CSMD2: variants seen among roughly 807,000 people sequenced by gnomAD.
CSMD2 encodes the protein CUB and Sushi multiple domains 2.
A neutral mutation model predicts 398.5 loss-of-function variants in CSMD2; 130 were observed. That is an observed-to-expected ratio of 0.33 (90% confidence interval 0.28 to 0.38). The LOEUF is 0.38. CSMD2 is among the 10% of genes least tolerant of loss of function. CSMD2 has a pLI of 1.00. For missense variants in CSMD2, 3,829 were observed against 4,764.9 expected (o/e 0.80, Z 5.78); for synonymous variants, 1,828 against 1,908.5 (o/e 0.96, Z 1.10).
chr1:33,540,803 G>C, intron 59 of CSMD2, 105 bp from the exon 60 acceptor site: 1 of 1,314,234 alleles, frequency 7.6e-7, no homozygotes, highest in South Asian at 1.4e-5. Context: ...CTAGAGCCTG[G>C]GCTAAACAGG....
intron 2 of CSMD2, among the ~76,000 whole-genome samples, chr1:34,056,588 A>G (rs1360266190): frequency 1.3e-5 from 2 of 152,228 alleles, no homozygotes; most frequent in Non-Finnish European, 2.9e-5. Flanking sequence ...TAACAATGGT[A>G]TCTACCTTAC....
At chr1:34,127,082 A>G (rs1662821505) in intron 1 of CSMD2, among the ~76,000 whole-genome samples, 2 of 152,108 alleles carry the variant, frequency 1.3e-5, no homozygotes, top group Non-Finnish European at 2.9e-5. Context: ...GCAGACAGGA[A>G]CAGAGAGACC....
At chr1:33,915,000 G>A (rs182302553) in intron 5 of CSMD2, among the ~76,000 whole-genome samples, 15 of 152,288 alleles carry the variant, frequency 9.8e-5, no homozygotes, top group Middle Eastern at 3.4e-3. Flanking sequence ...TTGCTATCCC[G>A]TTTAGGGGGA....
chr1:34,164,037 G>C lies in CSMD2; in HGVS notation c.187+874C>G, dbSNP rs1050813099. Among the ~76,000 whole-genome samples the C allele has an allele frequency of 6.6e-6, 1 of 152,112 alleles. No homozygotes were observed. Among genetic ancestry groups the C allele is most frequent in the Non-Finnish European group, 1.5e-5 (1 of 68,006 alleles). ...CTAGATCTGCCCCTTCCCGGACTCGGTCGTCGGGAGCTGGTCCCGCCGCCC... is the reference window on the plus strand; with the variant it reads ...CTAGATCTGCCCCTTCCCGGACTCGCTCGTCGGGAGCTGGTCCCGCCGCCC... On this transcript the variant is annotated intron_variant, in intron 1 of 70. Transcript: ENST00000373381. The surrounding 1 kb of genome is among the most constrained non-coding windows in gnomAD (Gnocchi z 6.2).
chr1:33,766,651 G>A (rs953153641), intron 13 of CSMD2, among the ~76,000 whole-genome samples: 1 of 152,176 alleles, frequency 6.6e-6, no homozygotes. Flanking sequence ...AGTCCACAAA[G>A]GTGTGCTACA....
intron 2 of CSMD2, among the ~76,000 whole-genome samples, chr1:34,040,931 C>T (rs939856219): frequency 6.6e-6 from 1 of 151,954 alleles, no homozygotes; most frequent in African/African-American, 2.4e-5. Context: ...TCGAGATCAC[C>T]CTGGTCAATA....
intron 1 of CSMD2, among the ~76,000 whole-genome samples, chr1:34,103,796 A>C (rs1459110457): frequency 3.3e-5 from 5 of 152,106 alleles, no homozygotes; most frequent in African/African-American, 1.2e-4. Context: ...GCACTAATCT[A>C]ATATTCAGAA....
chr1:33,537,368 T>C lies in CSMD2; in HGVS notation c.9805+68A>G. On this transcript the variant is annotated intron_variant, in intron 61 of 70. Coordinates refer to ENST00000373381, the MANE Select transcript of CSMD2 (RefSeq NM_001281956.2). The surrounding 1 kb of genome is among the most constrained non-coding windows in gnomAD (Gnocchi z 4.6). ...TGAAGACAGGGAAGGAAAGTAATCA[T>C]CTCAGGCCCAAAAGAAGGTCTCCCG... The C allele has an allele frequency of 6.6e-7, 1 of 1,505,464 alleles. No homozygotes were observed. Among genetic ancestry groups the C allele is most frequent in the Non-Finnish European group, 9.0e-7 (1 of 1,107,026 alleles). The allele number at this position is 1,505,464 out of a possible 1,614,324, so 93.3% of individuals were successfully genotyped here.
chr1:33,625,969 G>A (rs148298962), intron 33 of CSMD2, among the ~76,000 whole-genome samples: 2 of 152,350 alleles, frequency 1.3e-5, no homozygotes, highest in African/African-American at 4.8e-5. Flanking sequence ...AAGCCTCTTT[G>A]CATCCTATCA....
chr1:33,579,959 G>A (rs375342747), intron 48 of CSMD2, among the ~76,000 whole-genome samples: 6 of 152,148 alleles, frequency 3.9e-5, no homozygotes, highest in African/African-American at 7.2e-5. Flanking sequence ...GATTACAGGC[G>A]TGAGCCACTG....
At chr1:34,056,293 T>C (rs917675582) in intron 2 of CSMD2, among the ~76,000 whole-genome samples, 1 of 152,186 alleles carries the variant, frequency 6.6e-6, no homozygotes, top group Admixed American at 6.5e-5. Context: ...CATCCCTCTA[T>C]GCTGCACTGG....
chr1:33,627,335 A>T (rs1276235872), intron 32 of CSMD2, among the ~76,000 whole-genome samples: 1 of 152,078 alleles, frequency 6.6e-6, no homozygotes, highest in Non-Finnish European at 1.5e-5. Context: ...GCCAGGGGAG[A>T]GACAGCACCA....
At chr1:33,687,455 G>A (rs192897875) in intron 25 of CSMD2, among the ~76,000 whole-genome samples, 94 of 152,174 alleles carry the variant, frequency 6.2e-4, no homozygotes, top group Non-Finnish European at 8.8e-5. Flanking sequence ...CTGAATTAAT[G>A]AAAACACAAG....
At chr1:34,124,440 G>A (rs1345308744) in intron 1 of CSMD2, among the ~76,000 whole-genome samples, 1 of 152,128 alleles carries the variant, frequency 6.6e-6, no homozygotes, top group Non-Finnish European at 1.5e-5. Flanking sequence ...TGGGGATAGG[G>A]TCTGGAGAAA....
At chr1:33,658,176 G>C in intron 26 of CSMD2, 39 bp from the exon 27 acceptor site, 2 of 1,568,522 alleles carry the variant, frequency 1.3e-6, no homozygotes, top group Admixed American at 1.7e-5. Context: ...AGGTCGCCTG[G>C]GTGTCTGCCA....
chr1:34,100,458 A>G (rs958629087), intron 1 of CSMD2, among the ~76,000 whole-genome samples: 1 of 152,202 alleles, frequency 6.6e-6, no homozygotes. Context: ...CACCGGGGAC[A>G]CGTTCCAGGT....
intron 3 of CSMD2, among the ~76,000 whole-genome samples, chr1:34,032,232 T>TC (rs1174756629): frequency 1.5e-4 from 23 of 152,094 alleles, no homozygotes; most frequent in Non-Finnish European, 2.9e-5. Context: ...TTACTTAGGG[T>TC]TTATATGTCT....
chr1:33,619,477 A>G (rs559537855), intron 37 of CSMD2, among the ~76,000 whole-genome samples: 90 of 152,384 alleles, frequency 5.9e-4, no homozygotes, highest in Middle Eastern at 3.4e-3. Flanking sequence ...TGCCACATTC[A>G]GAGATGAGAC....
At chr1:33,679,207 T>TG (rs1644822553) in intron 25 of CSMD2, among the ~76,000 whole-genome samples, 1 of 150,328 alleles carries the variant, frequency 6.7e-6, no homozygotes, top group African/African-American at 2.4e-5. Context: ...TTGTTTTTTT[T>TG]TTTTTTTTTT....
Sources: gnomAD v4.1 joint callset for allele counts (sites outside exome capture counted in the v4.1 genomes callset) on GRCh38, gnomAD v4.1.1 for gene constraint, Gnocchi (gnomAD v3.1) non-coding constraint, MANE v1.5 for transcripts, NCBI Gene and HGNC (gene_info 2026-07-23, HGNC 2026-07-21) for gene names.